Variants in DNAJC5B observed in about 807,000 individuals in gnomAD.
DNAJC5B encodes dnaJ homolog subfamily C member 5B.
Under a neutral mutation model 24.7 loss-of-function variants are expected in DNAJC5B, and 23 were observed. The ratio of observed to expected loss-of-function variants is 0.93; its 90% CI spans 0.67 to 1.32. The LOEUF (loss-of-function observed/expected upper bound fraction) is 1.32. Among genes scored for constraint, DNAJC5B ranks in the 40% most tolerant of loss-of-function variants. The pLI, the probability that DNAJC5B is intolerant of heterozygous loss-of-function variation, is 0.00. For missense variants in DNAJC5B, 238 were observed against 240.8 expected (o/e 0.99, Z 0.08); for synonymous variants, 101 against 90.1 (o/e 1.12, Z -0.68).
chr8:66,064,350 T>G (rs1487803812), intron 3 of DNAJC5B, among the ~76,000 whole-genome samples: 1 of 152,148 alleles, frequency 6.6e-6, no homozygotes, highest in Non-Finnish European at 1.5e-5. Context: ...TGCTTGGAGC[T>G]TTGTCACTGG....
rs566940044 is a variant in DNAJC5B at position 66,100,346 on chromosome 8, C to T, written c.*315C>T. On this transcript the variant is annotated 3_prime_UTR_variant, in exon 6 of 6. Coordinates refer to ENST00000276570, the MANE Select transcript of DNAJC5B (RefSeq NM_033105.6). ...CCCTTTATGTGTGGCAGATCTGATT[C>T]CTAACTGACCAAAGTAATATTCCAG... 1 of 198,272 alleles carries T rather than the reference C, an allele frequency of 5.0e-6. No individual in the cohort carries two copies. Among genetic ancestry groups the T allele is most frequent in the Non-Finnish European group, 1.0e-5 (1 of 97,642 alleles). The allele number at this position is 198,272 out of a possible 1,614,324, so 12.3% of individuals were successfully genotyped here. A position where few individuals can be genotyped will look rare whatever the true frequency, so the allele number is the denominator to read the frequency against.
At chr8:66,080,296 T>C in intron 4 of DNAJC5B, 81 bp from the exon 5 acceptor site, 1 of 1,548,018 alleles carries the variant, frequency 6.5e-7, no homozygotes, top group Non-Finnish European at 8.7e-7. Flanking sequence ...TGGGGGTACC[T>C]GGGTACAGAC....
rs73691292 is a variant in DNAJC5B at position 66,100,723 on chromosome 8, G to T, written c.*692G>T. On this transcript the variant is annotated 3_prime_UTR_variant, in exon 6 of 6. Coordinates refer to ENST00000276570, the MANE Select transcript of DNAJC5B (RefSeq NM_033105.6). ...AGAAAATCATTCTGAGCCTGAACCC[G>T]CCCCATCAGCATGTTGATCATTTTC... Among the ~76,000 whole-genome samples, 5 of 152,038 alleles carry T rather than the reference G, an allele frequency of 3.3e-5. No homozygotes were observed. The highest frequency in any genetic ancestry group is 5.9e-5 in the Non-Finnish European group (4 of 68,018).
intron 3 of DNAJC5B, among the ~76,000 whole-genome samples, chr8:66,071,863 G>A (rs914632249): frequency 3.9e-5 from 6 of 152,142 alleles, no homozygotes; most frequent in Non-Finnish European, 8.8e-5. Context: ...GGAATACTAT[G>A]CAGCCATAAA....
intron 3 of DNAJC5B, among the ~76,000 whole-genome samples, chr8:66,071,899 G>C (rs1348615932): frequency 6.6e-6 from 1 of 152,080 alleles, no homozygotes; most frequent in Admixed American, 6.6e-5. Flanking sequence ...GTCCTTTGCA[G>C]GGACATGGAT....
intron 5 of DNAJC5B, among the ~76,000 whole-genome samples, chr8:66,087,345 C>G (rs965035101): frequency 6.6e-6 from 1 of 152,298 alleles, no homozygotes; most frequent in East Asian, 1.9e-4. Flanking sequence ...AGGTCCGTCC[C>G]TCAACTCATG....
intron 5 of DNAJC5B, among the ~76,000 whole-genome samples, chr8:66,090,200 G>A (rs760328895): frequency 6.6e-6 from 1 of 151,798 alleles, no homozygotes; most frequent in Admixed American, 6.6e-5. Context: ...TTGAGAGAGA[G>A]CCTTGTTTCA....
At chr8:66,022,460 G>C (rs1563581568) in intron 1 of DNAJC5B, among the ~76,000 whole-genome samples, 2 of 152,194 alleles carry the variant, frequency 1.3e-5, no homozygotes, top group African/African-American at 4.8e-5. Flanking sequence ...TTGGAGCACA[G>C]GACAGCTCAG....
chr8:66,028,819 T>C (rs1412165825), intron 1 of DNAJC5B, among the ~76,000 whole-genome samples: 1 of 152,170 alleles, frequency 6.6e-6, no homozygotes, highest in Non-Finnish European at 1.5e-5. Flanking sequence ...GGCCACGCCT[T>C]TCTAAAATAG....
intron 3 of DNAJC5B, among the ~76,000 whole-genome samples, chr8:66,060,205 A>T (rs1008705748): frequency 3.3e-5 from 5 of 151,864 alleles, no homozygotes; most frequent in Admixed American, 6.6e-5. Flanking sequence ...CTCTGCTTAG[A>T]CTCTAGATCT....
Position 66,051,512 on chromosome 8 carries a change from GC to G in DNAJC5B, c.-17-18del. The G allele has an allele frequency of 2.0e-6, 3 of 1,471,894 alleles. No individual in the cohort carries two copies. Among genetic ancestry groups the G allele is most frequent in the Non-Finnish European group, 2.8e-6 (3 of 1,055,192 alleles). 91.2% of individuals were successfully genotyped at this position (1,471,894 alleles called of 1,614,324 possible). On this transcript the variant is annotated intron_variant, in intron 2 of 5. Transcript: ENST00000276570. Reference sequence around the variant, plus strand: ...GGAAGTAGTGTGCATAACCTTCATGGCTATTTTCTCCCCTTTAGTTTTGCAG... The same window carrying G: ...GGAAGTAGTGTGCATAACCTTCATGGTATTTTCTCCCCTTTAGTTTTGCAG...
At chr8:66,055,218 T>C (rs1258636473) in intron 3 of DNAJC5B, among the ~76,000 whole-genome samples, 1 of 151,798 alleles carries the variant, frequency 6.6e-6, no homozygotes, top group Non-Finnish European at 1.5e-5. Context: ...AGGGTACTAG[T>C]ATGCTGCCAA....
chr8:66,068,543 GA>G (rs1807273856), intron 3 of DNAJC5B, among the ~76,000 whole-genome samples: 1 of 151,790 alleles, frequency 6.6e-6, no homozygotes, highest in Non-Finnish European at 1.5e-5. Context: ...AGATAAAAAC[GA>G]AGTTTCATTA....
At chr8:66,079,475 G>GT (rs1203372976) in intron 4 of DNAJC5B, among the ~76,000 whole-genome samples, 1 of 152,180 alleles carries the variant, frequency 6.6e-6, no homozygotes, top group African/African-American at 2.4e-5. Flanking sequence ...GTCATAGAAG[G>GT]GATCTTTAAG....
At chr8:66,071,620 C>T (rs1807350791) in intron 3 of DNAJC5B, among the ~76,000 whole-genome samples, 1 of 151,944 alleles carries the variant, frequency 6.6e-6, no homozygotes, top group Admixed American at 6.6e-5. Flanking sequence ...AAATTAGTTC[C>T]ACCTTGTGAA....
chr8:66,055,709 C>T (rs920069808), intron 3 of DNAJC5B, among the ~76,000 whole-genome samples: 5 of 152,202 alleles, frequency 3.3e-5, no homozygotes, highest in Admixed American at 1.3e-4. Flanking sequence ...GAGGTCAAGG[C>T]GGGTGGATGG....
intron 1 of DNAJC5B, among the ~76,000 whole-genome samples, chr8:66,026,639 T>A (rs893456694): frequency 1.3e-5 from 2 of 152,196 alleles, no homozygotes; most frequent in Non-Finnish European, 2.9e-5. Context: ...CTCCCAAGAA[T>A]TGTGCAACAG....
At chr8:66,065,389 T>C (rs923258742) in intron 3 of DNAJC5B, among the ~76,000 whole-genome samples, 6 of 152,258 alleles carry the variant, frequency 3.9e-5, no homozygotes, top group Non-Finnish European at 8.8e-5. Flanking sequence ...ACTTGAATCA[T>C]GTACTATGGT....
intron 3 of DNAJC5B, among the ~76,000 whole-genome samples, chr8:66,052,439 T>A (rs1806872105): frequency 6.6e-6 from 1 of 152,172 alleles, no homozygotes; most frequent in Admixed American, 6.5e-5. Context: ...TCTTTTTATT[T>A]TAAGTCCAAG....
Sources: allele counts gnomAD v4.1 joint callset (sites outside exome capture counted in the v4.1 genomes callset), GRCh38; gene constraint gnomAD v4.1.1; transcripts MANE v1.5; gene names NCBI Gene and HGNC (gene_info 2026-07-23, HGNC 2026-07-21).